Variants in SCGB2B2 observed in about 807,000 individuals in gnomAD.
SCGB2B2 encodes secretoglobin family 2B member 2, also known as secretoglobin-like protein.
A neutral mutation model predicts 7.6 loss-of-function variants in SCGB2B2; 11 were observed. That is an observed-to-expected ratio of 1.45 (90% CI 0.91 to 2.40). SCGB2B2 has a LOEUF of 2.40. Among genes scored for constraint, SCGB2B2 ranks in the 30% most tolerant of loss-of-function variants. The probability of loss-of-function intolerance (pLI) is 0.00; values close to 1 mark genes in which losing one functional copy is unlikely to be tolerated. For synonymous variants in SCGB2B2, 50 were observed against 48.6 expected (o/e 1.03, Z -0.12); for missense variants, 104 against 115.4 (o/e 0.90, Z 0.45).
intron 1 of SCGB2B2, among the ~76,000 whole-genome samples, chr19:34,637,148 G>A (rs1358915828): frequency 6.6e-6 from 1 of 152,174 alleles, no homozygotes; most frequent in African/African-American, 2.4e-5. Flanking sequence ...GAGGGAAGGG[G>A]GCAGAATTGG....
intron 1 of SCGB2B2, among the ~76,000 whole-genome samples, chr19:34,655,788 C>T (rs1038125667): frequency 2.0e-5 from 3 of 151,204 alleles, no homozygotes; most frequent in Admixed American, 6.6e-5. Context: ...GCAAGAGCAA[C>T]ATATCTAACG....
intron 1 of SCGB2B2, among the ~76,000 whole-genome samples, chr19:34,620,026 ACACATTTTCCTTGG>A (rs981610420): frequency 9.2e-5 from 14 of 152,302 alleles, no homozygotes; most frequent in African/African-American, 3.4e-4. Context: ...AAAAAATAGA[ACACATTTTCCTTGG>A]CACATTTTAT....
At chr19:34,585,543 G>C in the SCGB2B2 span, among the ~76,000 whole-genome samples, 1 of 152,198 alleles carries the variant, frequency 6.6e-6, no homozygotes, top group African/African-American at 2.4e-5. Flanking sequence ...AGTAAAGAAA[G>C]AGTTTAATTG....
chr19:34,594,651 TCGTGTG>T lies in SCGB2B2; in HGVS notation c.-94_-89del, dbSNP rs2065394406. 1 of 791,642 alleles carries T rather than the reference TCGTGTG, an allele frequency of 1.3e-6. No individual in the cohort carries two copies. Among genetic ancestry groups the T allele is most frequent in the Non-Finnish European group, 2.1e-6 (1 of 477,090 alleles). The allele number at this position is 791,642 out of a possible 1,614,324, so 49.0% of individuals were successfully genotyped here. A position where few individuals can be genotyped will look rare whatever the true frequency, so the allele number is the denominator to read the frequency against. On this transcript the variant is annotated 5_prime_UTR_variant, in exon 2 of 4. Transcript: ENST00000601241. Reference sequence around the variant, plus strand: ...ATATCTGAACAAGGCACATGCCTCTTCGTGTGTGTGTGTGTGTGTGTGTGTGTGTGT... The same window carrying T: ...ATATCTGAACAAGGCACATGCCTCTTTGTGTGTGTGTGTGTGTGTGTGTGT...
chr19:34,594,921 G>A lies in SCGB2B2; in HGVS notation c.-358C>T. Reference sequence around the variant, plus strand: ...CATGCACATGTGACCCTGTGTCTTGGCAAACGTGTGTCTGCACTTGGCACG... The same window carrying A: ...CATGCACATGTGACCCTGTGTCTTGACAAACGTGTGTCTGCACTTGGCACG... On this transcript the variant is annotated 5_prime_UTR_variant, in exon 2 of 4. Transcript: ENST00000601241. 1 of 308,622 alleles carries A rather than the reference G, an allele frequency of 3.2e-6. No individual in the cohort carries two copies. The highest frequency in any genetic ancestry group is 6.6e-5 in the East Asian group (1 of 15,178). 19.1% of individuals were successfully genotyped at this position (308,622 alleles called of 1,614,324 possible).
At chr19:34,585,974 T>G (rs1446562831), downstream of SCGB2B2, among the ~76,000 whole-genome samples, 1 of 152,246 alleles carries the variant, frequency 6.6e-6, no homozygotes, top group Non-Finnish European at 1.5e-5. Context: ...TATTGAAGTA[T>G]AGTTGACATA....
chr19:34,635,381 C>T (rs1297793251), intron 1 of SCGB2B2: 2 of 289,950 alleles, frequency 6.9e-6, no homozygotes, highest in Admixed American at 7.4e-5. Flanking sequence ...GGTTTTTATG[C>T]CTAACAAGGT....
intron 1 of SCGB2B2, among the ~76,000 whole-genome samples, chr19:34,643,129 T>C (rs2066892588): frequency 6.6e-6 from 1 of 152,232 alleles, no homozygotes; most frequent in African/African-American, 2.4e-5. Flanking sequence ...CACAGCACTG[T>C]TCACAATAGC....
chr19:34,616,088 T>C (rs1267895592), intron 1 of SCGB2B2, among the ~76,000 whole-genome samples: 7 of 149,626 alleles, frequency 4.7e-5, no homozygotes, highest in Non-Finnish European at 8.9e-5. Context: ...CAGTCTATCA[T>C]TGTTGGACAT....
downstream of SCGB2B2, among the ~76,000 whole-genome samples, chr19:34,587,978 C>T (rs566784531): frequency 6.6e-6 from 1 of 152,188 alleles, no homozygotes; most frequent in Non-Finnish European, 1.5e-5. Flanking sequence ...TGATATTGGC[C>T]TATAGTTTTC....
chr19:34,601,496 C>T (rs1313238955), intron 1 of SCGB2B2, among the ~76,000 whole-genome samples: 2 of 152,102 alleles, frequency 1.3e-5, no homozygotes, highest in African/African-American at 4.8e-5. Context: ...TTTGGTCTTC[C>T]CTATTTTCTC....
At chr19:34,660,521 G>A (rs894122968) in intron 1 of SCGB2B2, among the ~76,000 whole-genome samples, 22 of 152,294 alleles carry the variant, frequency 1.4e-4, no homozygotes, top group African/African-American at 4.8e-4. Flanking sequence ...GCAGCCAACA[G>A]ATATATGAAA....
intron 1 of SCGB2B2, among the ~76,000 whole-genome samples, chr19:34,623,092 T>C (rs903378015): frequency 6.6e-6 from 1 of 152,112 alleles, no homozygotes; most frequent in African/African-American, 2.4e-5. Context: ...ACTCTCCCAA[T>C]TGGATAAGGC....
Position 34,628,768 on chromosome 19 carries a change from G to A in SCGB2B2, c.-2031-32174C>T, listed in dbSNP as rs145635533. On this transcript the variant is annotated intron_variant, in intron 1 of 3. Transcript: ENST00000601241. ...GGGAATCCTCTCTAACTCATTTTAT[G>A]AGGGCAGCATCATCCTGATACCAAA... 7.1e-3 allele frequency among the ~76,000 whole-genome samples: 1,086 copies of A among 152,032 alleles called. 17 individuals carry two copies. The highest frequency in any genetic ancestry group is 0.025 in the African/African-American group (1,029 of 41,520).
At chr19:34,633,279 G>A in intron 1 of SCGB2B2, among the ~76,000 whole-genome samples, 2 of 152,174 alleles carry the variant, frequency 1.3e-5, no homozygotes, top group East Asian at 3.8e-4. Flanking sequence ...GAAACACTCA[G>A]TCCTGTTACT....
At chr19:34,645,527 CACACACAG>C (rs1210989134) in intron 1 of SCGB2B2, 55 of 59,488 alleles carry the variant, frequency 9.2e-4, no homozygotes, top group African/African-American at 4.4e-3. Flanking sequence ...CACACACAGA[CACACACAG>C]ACACAGACAC....
Position 34,675,146 on chromosome 19 carries a change from G to A in SCGB2B2, c.-2032+484C>T, listed in dbSNP as rs1600075597. 3.9e-5 allele frequency among the ~76,000 whole-genome samples: 6 copies of A among 152,308 alleles called. No homozygotes were observed. The South Asian group carries it at 1.2e-3, about 32-fold the overall frequency. ...CCTAGTAGATTATTAAACTTTTAAA[G>A]TTTCACAAAGAGAGTGTTGGCAGTA... On this transcript the variant is annotated intron_variant, in intron 1 of 3. Transcript: ENST00000601241.
intron 1 of SCGB2B2, among the ~76,000 whole-genome samples, chr19:34,668,341 G>A (rs2067698361): frequency 2.6e-5 from 4 of 152,236 alleles, no homozygotes; most frequent in Admixed American, 2.6e-4. Context: ...ACCTGGGCCA[G>A]CAACTGCTGT....
At position 34,590,743 on chromosome 19, in the gene SCGB2B2, A is replaced by T. The variant is rs1257799764; in HGVS notation, c.*2812T>A. ...TAACAGAGTCGTAAGCATTTTAGTT[A>T]AAGTAAACTCACAGGACATTGTCAT... On this transcript the variant is annotated 3_prime_UTR_variant, in exon 4 of 4. Coordinates refer to ENST00000601241, the MANE Select transcript of SCGB2B2 (RefSeq NM_001025591.4). Among the ~76,000 whole-genome samples the T allele has an allele frequency of 1.1e-5, 1 of 91,790 alleles. No homozygotes were observed. The highest frequency in any genetic ancestry group is 3.9e-5 in the African/African-American group (1 of 25,546). 60.2% of individuals were successfully genotyped at this position (91,790 alleles called of 152,430 possible). A position where few individuals can be genotyped will look rare whatever the true frequency, so the allele number is the denominator to read the frequency against.
Sources: allele counts gnomAD v4.1 joint callset (sites outside exome capture counted in the v4.1 genomes callset), GRCh38; gene constraint gnomAD v4.1.1; transcripts MANE v1.5; gene names NCBI Gene and HGNC (gene_info 2026-07-23, HGNC 2026-07-21).